The following WWOX variants were observed in gnomAD, a reference collection of about 807,000 sequenced individuals.
WWOX encodes WW domain-containing oxidoreductase.
Under a neutral mutation model 46.2 loss-of-function variants are expected in WWOX, and 69 were observed. The observed-to-expected ratio is 1.49, with a 90% CI of 1.23 to 1.82. The LOEUF (loss-of-function observed/expected upper bound fraction) is 1.82. Among genes scored for constraint, WWOX ranks in the 40% most tolerant of loss-of-function variants. The pLI is 0.00. For synonymous variants in WWOX, 359 were observed against 202.6 expected (o/e 1.77, Z -6.56); for missense variants, 919 against 542.6 (o/e 1.69, Z -6.89).
chr16:78,412,443 T>C (rs1020731288), intron 6 of WWOX, among the ~76,000 whole-genome samples: 23 of 152,316 alleles, frequency 1.5e-4, no homozygotes, highest in Admixed American at 1.3e-3. Context: ...GAAGTCTTCA[T>C]GGCGATTTTG....
chr16:78,783,896 GTGATGACGATGGTGATGA>G (rs753157551), intron 8 of WWOX, among the ~76,000 whole-genome samples: 22 of 115,186 alleles, frequency 1.9e-4, no homozygotes, highest in Admixed American at 3.6e-4. Context: ...GGTGATGATG[GTGATGACGATGGTGATGA>G]TGATGTCGAT....
intron 8 of WWOX, among the ~76,000 whole-genome samples, chr16:79,107,274 A>G (rs1254976308): frequency 2.1e-5 from 3 of 146,130 alleles, no homozygotes; most frequent in African/African-American, 7.7e-5. Context: ...TTTTGATCTC[A>G]TCCTTGCTGT....
At chr16:78,721,614 G>A (rs986206339) in intron 8 of WWOX, among the ~76,000 whole-genome samples, 3 of 152,168 alleles carry the variant, frequency 2.0e-5, no homozygotes, top group African/African-American at 7.2e-5. Flanking sequence ...TATAAAGCAG[G>A]ACATGTGCTT....
chr16:78,826,428 G>C (rs368496510), intron 8 of WWOX, among the ~76,000 whole-genome samples: 1 of 152,182 alleles, frequency 6.6e-6, no homozygotes, highest in South Asian at 2.1e-4. Flanking sequence ...TACTTACTTT[G>C]GAGGCTCTAG....
chr16:78,108,322 T>C lies in WWOX; in HGVS notation c.108-101T>C, dbSNP rs1475098264. 14 of 1,209,716 alleles carry C rather than the reference T, an allele frequency of 1.2e-5. No homozygotes were observed. The Admixed American group carries it at 2.8e-4, about 24-fold the overall frequency. The allele number at this position is 1,209,716 out of a possible 1,614,324, so 74.9% of individuals were successfully genotyped here. A position where few individuals can be genotyped will look rare whatever the true frequency, so the allele number is the denominator to read the frequency against. On this transcript the variant is annotated intron_variant, in intron 1 of 8. Coordinates refer to ENST00000566780, the MANE Select transcript of WWOX (RefSeq NM_016373.4). The stretch of plus-strand genomic sequence containing the variant: ...TCTCCTTCTTCCCCCTACTTCCTTC[T>C]TATATCTGGCTATCTGGGAGAGAAA...
At chr16:78,160,414 T>TG (rs1432737128) in intron 4 of WWOX, among the ~76,000 whole-genome samples, 14 of 152,214 alleles carry the variant, frequency 9.2e-5, no homozygotes, top group Non-Finnish European at 1.8e-4. Flanking sequence ...CATGAGCCAC[T>TG]GTGCCTGGTC....
chr16:78,134,427 C>T (rs1313843392), intron 4 of WWOX, among the ~76,000 whole-genome samples: 2 of 152,054 alleles, frequency 1.3e-5, no homozygotes, highest in Non-Finnish European at 2.9e-5. Flanking sequence ...ACCGTTGAGC[C>T]CCTCTTCTCT....
At chr16:78,784,590 G>T (rs2050409649) in intron 8 of WWOX, among the ~76,000 whole-genome samples, 1 of 152,152 alleles carries the variant, frequency 6.6e-6, no homozygotes, top group Non-Finnish European at 1.5e-5. Flanking sequence ...TTGTCGCAAA[G>T]AGCTGTTTTA....
chr16:79,175,801 A>G (rs771813604), intron 8 of WWOX, among the ~76,000 whole-genome samples: 8 of 152,086 alleles, frequency 5.3e-5, no homozygotes, highest in South Asian at 2.1e-4. Flanking sequence ...TTTGGTCCCA[A>G]TGTGCCCTTT....
At chr16:78,585,051 G>A (rs571091139) in intron 8 of WWOX, among the ~76,000 whole-genome samples, 2 of 152,138 alleles carry the variant, frequency 1.3e-5, no homozygotes, top group Non-Finnish European at 2.9e-5. Flanking sequence ...CTCCACCCCT[G>A]GCCTGTTCAA....
At chr16:78,104,525 C>T (rs2032020445) in intron 1 of WWOX, among the ~76,000 whole-genome samples, 1 of 152,054 alleles carries the variant, frequency 6.6e-6, no homozygotes, top group South Asian at 2.1e-4. Flanking sequence ...ACAGAAAACA[C>T]CCCATACGTG....
chr16:78,772,717 TC>T (rs2050093967), intron 8 of WWOX, among the ~76,000 whole-genome samples: 1 of 152,116 alleles, frequency 6.6e-6, no homozygotes, highest in Non-Finnish European at 1.5e-5. Flanking sequence ...GAACAGAGGC[TC>T]AAAGAACCTA....
chr16:78,191,736 A>G (rs2345443), intron 5 of WWOX, among the ~76,000 whole-genome samples: 110,132 of 152,022 alleles, frequency 0.72, 40,217 homozygotes, highest in African/African-American at 0.82. Context: ...CTTATCTGAG[A>G]GGGGATTTGA....
At chr16:78,894,824 T>A (rs1211793965) in intron 8 of WWOX, among the ~76,000 whole-genome samples, 1 of 152,182 alleles carries the variant, frequency 6.6e-6, no homozygotes, top group African/African-American at 2.4e-5. Flanking sequence ...GGCTTCAGTT[T>A]TCCACAATGC....
chr16:78,814,308 GA>G (rs2051274284), intron 8 of WWOX, among the ~76,000 whole-genome samples: 1 of 152,046 alleles, frequency 6.6e-6, no homozygotes, highest in East Asian at 1.9e-4. Flanking sequence ...TCCTCCTGGT[GA>G]AGTATCTCCT....
At chr16:78,492,241 G>C (rs2084802347) in intron 8 of WWOX, among the ~76,000 whole-genome samples, 1 of 152,202 alleles carries the variant, frequency 6.6e-6, no homozygotes, top group South Asian at 2.1e-4. Context: ...GAGCCACAAG[G>C]CAGTAGAGGT....
chr16:78,123,213 A>G (rs140060915), intron 4 of WWOX: 2 of 151,816 alleles, frequency 1.3e-5, no homozygotes, highest in African/African-American at 4.8e-5. Context: ...GGATGAAGGG[A>G]TCCACTTAAT....
At chr16:78,432,106 A>G (rs993843362) in intron 7 of WWOX, among the ~76,000 whole-genome samples, 1 of 147,424 alleles carries the variant, frequency 6.8e-6, no homozygotes, top group Non-Finnish European at 1.5e-5. Flanking sequence ...ATCTCTACAT[A>G]GTTTCCTCAG....
intron 5 of WWOX, among the ~76,000 whole-genome samples, chr16:78,358,022 A>C (rs746814999): frequency 6.6e-6 from 1 of 152,216 alleles, no homozygotes; most frequent in Non-Finnish European, 1.5e-5. Flanking sequence ...GGCTGGGTAG[A>C]ACACACATAA....
Sources: gnomAD v4.1 joint callset for allele counts (sites outside exome capture counted in the v4.1 genomes callset) on GRCh38, gnomAD v4.1.1 for gene constraint, MANE v1.5 for transcripts, NCBI Gene and HGNC (gene_info 2026-07-23, HGNC 2026-07-21) for gene names.